The following GALNT17 variants were observed in gnomAD, a reference collection of about 807,000 sequenced individuals.
The protein encoded by GALNT17 is polypeptide N-acetylgalactosaminyltransferase 17, also known as UDP-GalNAc:polypeptide N-acetylgalactosaminyltransferase-like 3.
A neutral mutation model predicts 63.7 loss-of-function variants in GALNT17; 29 were observed. The ratio of observed to expected loss-of-function variants is 0.46; its 90% CI spans 0.34 to 0.62. GALNT17 has a LOEUF of 0.62. GALNT17 is among the 20% of genes least tolerant of loss of function. The pLI, the probability that GALNT17 is intolerant of heterozygous loss-of-function variation, is 0.01. For synonymous variants in GALNT17, 305 were observed against 318.3 expected (o/e 0.96, Z 0.45); for missense variants, 603 against 799.6 (o/e 0.75, Z 2.97).
intron 1 of GALNT17, among the ~76,000 whole-genome samples, chr7:71,185,962 G>A (rs537956950): frequency 1.6e-4 from 24 of 152,290 alleles, no homozygotes; most frequent in Non-Finnish European, 3.1e-4. Flanking sequence ...TAAGCTGTTA[G>A]TAAAGGTCAC....
At chr7:71,521,370 T>C (rs959683356) in intron 5 of GALNT17, among the ~76,000 whole-genome samples, 9 of 152,136 alleles carry the variant, frequency 5.9e-5, no homozygotes, top group Non-Finnish European at 8.8e-5. Context: ...TTTGACCACC[T>C]CCTTTCCCAG....
At chr7:71,536,875 C>T (rs1356378785) in intron 5 of GALNT17, among the ~76,000 whole-genome samples, 1 of 152,208 alleles carries the variant, frequency 6.6e-6, no homozygotes, top group East Asian at 1.9e-4. Context: ...CAAGATTCCT[C>T]ACGTTCTGAT....
intron 9 of GALNT17, among the ~76,000 whole-genome samples, chr7:71,683,308 C>T (rs1044347846): frequency 6.6e-6 from 1 of 152,100 alleles, no homozygotes. Flanking sequence ...CTCATCAAAG[C>T]TCCCCCACTT....
At chr7:71,625,301 C>T (rs551180664) in intron 6 of GALNT17, among the ~76,000 whole-genome samples, 5 of 152,140 alleles carry the variant, frequency 3.3e-5, no homozygotes, top group African/African-American at 1.2e-4. Flanking sequence ...TGTGCCACCA[C>T]ACCTGGCCAA....
chr7:71,317,928 G>A (rs1006359172), intron 1 of GALNT17, among the ~76,000 whole-genome samples: 2 of 151,908 alleles, frequency 1.3e-5, no homozygotes, highest in Admixed American at 6.6e-5. Context: ...ATAATTTTTG[G>A]GGTGGGAGAG....
chr7:71,663,883 T>G (rs1790943952), intron 6 of GALNT17, among the ~76,000 whole-genome samples: 1 of 152,142 alleles, frequency 6.6e-6, no homozygotes, highest in Non-Finnish European at 1.5e-5. Flanking sequence ...CTGAGTCAGC[T>G]CACCTGCAAA....
Position 71,421,153 on chromosome 7 carries a change from G to T in GALNT17, c.962+48G>T, listed in dbSNP as rs750545617. ...CGGCCAACGAGCCCCCAAATTCAAG[G>T]GTAAAAAGGAGCTACTGAGAGAGGC... is the stretch of plus-strand genomic sequence containing the variant. On this transcript the variant is annotated intron_variant, in intron 5 of 10. Coordinates refer to ENST00000333538, the MANE Select transcript of GALNT17 (RefSeq NM_022479.3). 4 of 1,602,890 alleles carry T rather than the reference G, an allele frequency of 2.5e-6. No individual in the cohort carries two copies. The Admixed American group carries it at 6.9e-5, about 28-fold the overall frequency.
intron 1 of GALNT17, among the ~76,000 whole-genome samples, chr7:71,174,760 G>A (rs1788605349): frequency 6.6e-6 from 1 of 152,170 alleles, no homozygotes; most frequent in South Asian, 2.1e-4. Context: ...ATGGTGGAAT[G>A]TCATCAGTTA....
chr7:71,682,216 T>G (rs542437902), intron 9 of GALNT17, among the ~76,000 whole-genome samples: 2 of 151,972 alleles, frequency 1.3e-5, no homozygotes, highest in African/African-American at 4.8e-5. Context: ...CAAGAGCCAC[T>G]GCGCCCGGCC....
chr7:71,224,160 T>C (rs2116427709), intron 1 of GALNT17, among the ~76,000 whole-genome samples: 1 of 152,260 alleles, frequency 6.6e-6, no homozygotes, highest in South Asian at 2.1e-4. Flanking sequence ...GTTCAAGTGA[T>C]TCTCCTGCCT....
chr7:71,414,065 A>G (rs1793480412), intron 3 of GALNT17, among the ~76,000 whole-genome samples: 1 of 151,914 alleles, frequency 6.6e-6, no homozygotes. Context: ...AACATGGCGA[A>G]ACCCCATCTC....
chr7:71,662,423 T>G (rs925923519), intron 6 of GALNT17, among the ~76,000 whole-genome samples: 3 of 152,138 alleles, frequency 2.0e-5, no homozygotes, highest in Admixed American at 2.0e-4. Context: ...ATTCGTCCAT[T>G]TAAAATGTGC....
At chr7:71,194,561 T>G (rs1412258804) in intron 1 of GALNT17, among the ~76,000 whole-genome samples, 1 of 152,172 alleles carries the variant, frequency 6.6e-6, no homozygotes, top group Non-Finnish European at 1.5e-5. Flanking sequence ...AGACAGAGCC[T>G]GACACTTGTG....
At chr7:71,389,751 G>A (rs922045999) in intron 3 of GALNT17, among the ~76,000 whole-genome samples, 12 of 152,136 alleles carry the variant, frequency 7.9e-5, no homozygotes, top group African/African-American at 1.2e-4. Flanking sequence ...ATTCCATCCC[G>A]TGTTAGGAAC....
intron 9 of GALNT17, among the ~76,000 whole-genome samples, chr7:71,705,138 A>T (rs1791705007): frequency 6.6e-6 from 1 of 152,248 alleles, no homozygotes; most frequent in South Asian, 2.1e-4. Context: ...AGTATCCAGA[A>T]TATGTAAAGA....
At chr7:71,182,949 T>C (rs1788760261) in intron 1 of GALNT17, among the ~76,000 whole-genome samples, 1 of 152,232 alleles carries the variant, frequency 6.6e-6, no homozygotes, top group South Asian at 2.1e-4. Flanking sequence ...CTTTGCAAGC[T>C]GGCCCTTTGG....
intron 5 of GALNT17, among the ~76,000 whole-genome samples, chr7:71,558,358 G>A (rs1562690415): frequency 1.3e-5 from 2 of 151,742 alleles, no homozygotes; most frequent in East Asian, 3.9e-4. Context: ...GAGAACATTT[G>A]AATTTTCGTG....
intron 6 of GALNT17, among the ~76,000 whole-genome samples, chr7:71,611,315 C>G (rs1045737340): frequency 3.3e-5 from 5 of 152,134 alleles, no homozygotes; most frequent in Non-Finnish European, 7.4e-5. Context: ...AGGCCCATTC[C>G]ACGTGGACCC....
rs1455035002 is a variant in GALNT17 at position 71,388,238 on chromosome 7, T to C, written c.426T>C (p.Cys142=). The C allele has an allele frequency of 2.5e-6, 4 of 1,613,538 alleles. No individual in the cohort carries two copies. Among genetic ancestry groups the C allele is most frequent in the Non-Finnish European group, 3.4e-6 (4 of 1,179,694 alleles). The change falls in exon 3 of 11, where the codon TGT becomes TGC. Residue 142 remains cysteine, a synonymous_variant. Coordinates refer to ENST00000333538, the MANE Select transcript of GALNT17 (RefSeq NM_022479.3). ...TTTCCGATCTCTCCTTCCCCAGGTG[T>C]AAGGAGCTCAAGTACTCCAAGGACC... ...RSIPDYRPTK[C]KELKYSKDLP...
Sources: allele counts gnomAD v4.1 joint callset (sites outside exome capture counted in the v4.1 genomes callset), GRCh38; gene constraint gnomAD v4.1.1; transcripts MANE v1.5; gene names NCBI Gene and HGNC (gene_info 2026-07-23, HGNC 2026-07-21).